NTM: variants seen among roughly 807,000 people sequenced by gnomAD.
NTM encodes IgLON family member 2.
A neutral mutation model predicts 42.1 loss-of-function variants in NTM; 13 were observed. That is an observed-to-expected ratio of 0.31 (90% confidence interval 0.20 to 0.49). NTM has a LOEUF of 0.49. Among genes scored for constraint, NTM ranks in the 20% least tolerant of loss-of-function variants. The pLI, the probability that NTM is intolerant of heterozygous loss-of-function variation, is 0.99. For missense variants in NTM, 373 were observed against 452.8 expected (o/e 0.82, Z 1.60); for synonymous variants, 187 against 179.2 (o/e 1.04, Z -0.35).
chr11:131,754,669 C>A (rs772277109), intron 1 of NTM, among the ~76,000 whole-genome samples: 3 of 151,654 alleles, frequency 2.0e-5, no homozygotes, highest in Admixed American at 6.6e-5. Context: ...TATAACCCAA[C>A]CATTTCACAT....
intron 2 of NTM, among the ~76,000 whole-genome samples, chr11:131,915,177 A>G (rs1019152675): frequency 6.6e-6 from 1 of 152,208 alleles, no homozygotes; most frequent in Non-Finnish European, 1.5e-5. Flanking sequence ...ACTTACCTGA[A>G]ATCACATAAG....
chr11:132,019,343 A>C (rs898057128), intron 2 of NTM, among the ~76,000 whole-genome samples: 1 of 151,964 alleles, frequency 6.6e-6, no homozygotes, highest in Admixed American at 6.6e-5. Flanking sequence ...TAAATTTTGA[A>C]TATGTCAAGT....
At chr11:131,930,466 G>A (rs746927760) in intron 2 of NTM, among the ~76,000 whole-genome samples, 8 of 152,178 alleles carry the variant, frequency 5.3e-5, no homozygotes, top group Non-Finnish European at 1.0e-4. Flanking sequence ...ACAGGGAGCC[G>A]AATGCATATT....
chr11:132,082,514 A>G (rs372852360), intron 2 of NTM, among the ~76,000 whole-genome samples: 2 of 152,310 alleles, frequency 1.3e-5, no homozygotes, highest in East Asian at 1.9e-4. Flanking sequence ...GCATGTGTTA[A>G]GGGACAGAAT....
intron 3 of NTM, among the ~76,000 whole-genome samples, chr11:132,183,893 T>C (rs1025861979): frequency 6.6e-6 from 1 of 151,976 alleles, no homozygotes; most frequent in Non-Finnish European, 1.5e-5. Flanking sequence ...CTCTTTGTCT[T>C]AATGGTGATT....
At position 131,620,967 on chromosome 11, in the gene NTM, C is replaced by T. The variant is rs534941791; in HGVS notation, c.82+250079C>T. 5.3e-5 allele frequency among the ~76,000 whole-genome samples: 8 copies of T among 152,270 alleles called. No individual in the cohort carries two copies. In the South Asian group the frequency reaches 1.0e-3, roughly 20 times the overall value. On this transcript the variant is annotated intron_variant, in intron 1 of 8. Transcript: ENST00000683400. ...ATGAATGAATCATAACGATAAATTA[C>T]GCTAACCGGTGCAGCACTAGCCACT...
intron 1 of NTM, among the ~76,000 whole-genome samples, chr11:131,572,933 G>T (rs763242942): frequency 6.6e-6 from 1 of 152,142 alleles, no homozygotes; most frequent in Non-Finnish European, 1.5e-5. Flanking sequence ...CCATGTCGCC[G>T]TCACCTCTTG....
chr11:131,843,011 A>G (rs1707333007), intron 1 of NTM, among the ~76,000 whole-genome samples: 1 of 152,084 alleles, frequency 6.6e-6, no homozygotes, highest in Admixed American at 6.5e-5. Context: ...CTTTGTCTCA[A>G]AAAATAAATA....
At chr11:131,691,133 G>A (rs1307751396) in intron 1 of NTM, among the ~76,000 whole-genome samples, 1 of 152,188 alleles carries the variant, frequency 6.6e-6, no homozygotes, top group Non-Finnish European at 1.5e-5. Context: ...TCTAAGCAAA[G>A]CCTGCAGCCC....
chr11:131,761,975 C>A (rs1462580944), intron 1 of NTM, among the ~76,000 whole-genome samples: 1 of 152,222 alleles, frequency 6.6e-6, no homozygotes, highest in East Asian at 1.9e-4. Flanking sequence ...AGGGAGAGAT[C>A]CCTGATCAGA....
At chr11:132,145,434 G>C (rs1649247293) in intron 2 of NTM, among the ~76,000 whole-genome samples, 1 of 152,190 alleles carries the variant, frequency 6.6e-6, no homozygotes, top group African/African-American at 2.4e-5. Context: ...CCATGGAACA[G>C]ACTTGCTGTA....
At chr11:131,746,258 G>A (rs750711708) in intron 1 of NTM, among the ~76,000 whole-genome samples, 20 of 152,194 alleles carry the variant, frequency 1.3e-4, no homozygotes, top group Non-Finnish European at 2.1e-4. Flanking sequence ...GCAACCATCA[G>A]GGACGGACAT....
intron 1 of NTM, among the ~76,000 whole-genome samples, chr11:131,666,458 G>A (rs1253638030): frequency 6.6e-6 from 1 of 152,112 alleles, no homozygotes; most frequent in Non-Finnish European, 1.5e-5. Context: ...AAATGCACAA[G>A]GCGTTGCGAG....
At chr11:132,321,625 T>C (rs373106104) in intron 7 of NTM, among the ~76,000 whole-genome samples, 2 of 151,714 alleles carry the variant, frequency 1.3e-5, no homozygotes, top group East Asian at 1.9e-4. Context: ...TCCAGGAGAA[T>C]TTCCCCAATC....
At chr11:131,608,381 A>T (rs1219418092) in intron 1 of NTM, among the ~76,000 whole-genome samples, 9 of 152,224 alleles carry the variant, frequency 5.9e-5, no homozygotes, top group Admixed American at 5.9e-4. Flanking sequence ...GTCATAGAAT[A>T]GGTGTTCAGG....
At chr11:131,493,035 C>T (rs542985714) in intron 1 of NTM, among the ~76,000 whole-genome samples, 4 of 151,842 alleles carry the variant, frequency 2.6e-5, no homozygotes, top group East Asian at 1.9e-4. Context: ...CTGGGCAACA[C>T]GGTGAACCTC....
intron 1 of NTM, among the ~76,000 whole-genome samples, chr11:131,712,587 A>G (rs1307137949): frequency 1.3e-5 from 2 of 151,976 alleles, no homozygotes; most frequent in African/African-American, 4.8e-5. Context: ...CCTGCAGTAG[A>G]TACATTTTAC....
intron 1 of NTM, among the ~76,000 whole-genome samples, chr11:131,750,772 G>A (rs1308643936): frequency 2.0e-5 from 3 of 152,274 alleles, no homozygotes; most frequent in African/African-American, 7.2e-5. Context: ...AAGCCTGAAT[G>A]AGCCTGTGCT....
intron 3 of NTM, among the ~76,000 whole-genome samples, chr11:132,152,843 T>G (rs2072265509): frequency 6.6e-6 from 1 of 152,242 alleles, no homozygotes; most frequent in Non-Finnish European, 1.5e-5. Flanking sequence ...AGAGGAAAAG[T>G]TATATTCATT....
Sources: allele counts gnomAD v4.1 joint callset (sites outside exome capture counted in the v4.1 genomes callset), GRCh38; gene constraint gnomAD v4.1.1; transcripts MANE v1.5; gene names NCBI Gene and HGNC (gene_info 2026-07-23, HGNC 2026-07-21).